Variants in TENM3 observed in about 807,000 individuals in gnomAD.
TENM3 encodes teneurin transmembrane protein 3, also known as teneurin-3.
TENM3 carries 63 observed loss-of-function variants against 255.1 expected under a neutral mutation model. The observed-to-expected ratio is 0.25, with a 90% confidence interval of 0.20 to 0.30. The LOEUF (loss-of-function observed/expected upper bound fraction) is 0.30. Ranked by LOEUF, TENM3 falls within the 10% of genes least tolerant of loss-of-function variation. The pLI is 1.00. For synonymous variants in TENM3, 1,306 were observed against 1,322.3 expected, an observed-to-expected ratio of 0.99 and a Z score of 0.27; for missense variants, 2,929 against 3,461.1, an observed-to-expected ratio of 0.85 and a Z score of 3.86.
chr4:181,957,643 A>T, the TENM3 span, among the ~76,000 whole-genome samples: 3 of 152,176 alleles, frequency 2.0e-5, no homozygotes, highest in African/African-American at 7.2e-5. Flanking sequence ...TACAATGGTG[A>T]TGGGCCACCC....
At chr4:181,519,373 T>A in the TENM3 span, among the ~76,000 whole-genome samples, 8 of 152,246 alleles carry the variant, frequency 5.3e-5, no homozygotes, top group African/African-American at 1.9e-4. Flanking sequence ...ATATAACTTA[T>A]TAAAGCATTG....
At chr4:182,533,647 G>T (rs1739992255) in intron 3 of TENM3, among the ~76,000 whole-genome samples, 1 of 151,820 alleles carries the variant, frequency 6.6e-6, no homozygotes, top group African/African-American at 2.4e-5. Flanking sequence ...ACTAGTTTTT[G>T]CAATATAAAA....
the TENM3 span, among the ~76,000 whole-genome samples, chr4:181,801,474 C>A: frequency 6.6e-6 from 1 of 151,712 alleles, no homozygotes; most frequent in Non-Finnish European, 1.5e-5. Context: ...AGGTGGTGAA[C>A]CCGAGGAGGG....
chr4:181,590,662 A>G, the TENM3 span, among the ~76,000 whole-genome samples: 1 of 152,220 alleles, frequency 6.6e-6, no homozygotes, highest in Non-Finnish European at 1.5e-5. Flanking sequence ...CAATAGAGGA[A>G]TTGCCTTCCC....
At chr4:182,352,126 C>A (rs990216368) in intron 3 of TENM3, among the ~76,000 whole-genome samples, 2 of 151,768 alleles carry the variant, frequency 1.3e-5, no homozygotes, top group Non-Finnish European at 1.5e-5. Flanking sequence ...CTTACCCCAC[C>A]CCACCCCAGG....
chr4:181,532,998 G>A, the TENM3 span, among the ~76,000 whole-genome samples: 5 of 152,026 alleles, frequency 3.3e-5, no homozygotes, highest in East Asian at 1.9e-4. Flanking sequence ...CTTTATAAAC[G>A]TAAACTACTA....
At chr4:182,704,272 C>G (rs1758105631) in intron 12 of TENM3, among the ~76,000 whole-genome samples, 1 of 152,190 alleles carries the variant, frequency 6.6e-6, no homozygotes, top group Non-Finnish European at 1.5e-5. Flanking sequence ...ACATCACACA[C>G]CACACAAGGC....
intron 16 of TENM3, among the ~76,000 whole-genome samples, chr4:182,733,652 C>T (rs755403572): frequency 2.6e-4 from 39 of 152,142 alleles, no homozygotes; most frequent in Admixed American, 1.4e-3. Context: ...AAGAGGTGAG[C>T]CAGAAAGGTC....
chr4:182,075,200 C>CTTTTTT, the TENM3 span, among the ~76,000 whole-genome samples: 40 of 128,186 alleles, frequency 3.1e-4, 1 homozygote, highest in East Asian at 6.5e-4. Context: ...TGTTTTTTTT[C>CTTTTTT]TTTTTTTTTT....
chr4:182,774,368 A>T (rs1027146849), intron 23 of TENM3, among the ~76,000 whole-genome samples: 7 of 152,212 alleles, frequency 4.6e-5, no homozygotes, highest in African/African-American at 1.7e-4. Context: ...CAAAATTTTA[A>T]ACTGAGGCAG....
the TENM3 span, among the ~76,000 whole-genome samples, chr4:181,692,607 A>C: frequency 9.2e-5 from 14 of 152,214 alleles, no homozygotes; most frequent in African/African-American, 3.4e-4. Context: ...TTAATTGTAA[A>C]AATCTGTGTC....
At chr4:181,489,516 A>G in the TENM3 span, among the ~76,000 whole-genome samples, 4 of 152,328 alleles carry the variant, frequency 2.6e-5, no homozygotes, top group East Asian at 7.7e-4. Flanking sequence ...GTTCAGGAAC[A>G]TTAACATTTG....
At chr4:181,831,928 C>T in the TENM3 span, among the ~76,000 whole-genome samples, 2 of 149,170 alleles carry the variant, frequency 1.3e-5, no homozygotes, top group African/African-American at 2.5e-5. Context: ...CATGAAGCAT[C>T]AGGGAATATA....
the TENM3 span, among the ~76,000 whole-genome samples, chr4:182,073,177 C>T: frequency 6.6e-6 from 1 of 152,218 alleles, no homozygotes; most frequent in Non-Finnish European, 1.5e-5. Flanking sequence ...ACCCTCTTCA[C>T]AAGGCAGCAG....
chr4:182,342,056 G>T (rs1764518868), intron 2 of TENM3, among the ~76,000 whole-genome samples: 4 of 152,204 alleles, frequency 2.6e-5, no homozygotes, highest in African/African-American at 9.6e-5. Flanking sequence ...AAACACTGCA[G>T]TCATTGTGGA....
the TENM3 span, among the ~76,000 whole-genome samples, chr4:181,897,142 G>T: frequency 6.6e-6 from 1 of 152,198 alleles, no homozygotes. Flanking sequence ...CAGCTCCAAA[G>T]CTGGCTATTT....
intron 3 of TENM3, among the ~76,000 whole-genome samples, chr4:182,419,020 A>T (rs953108374): frequency 1.3e-5 from 2 of 152,194 alleles, no homozygotes; most frequent in Non-Finnish European, 2.9e-5. Flanking sequence ...TGGTTTTGGA[A>T]AATTAGTTTT....
chr4:182,666,594 G>A (rs192260276), intron 6 of TENM3, among the ~76,000 whole-genome samples: 116 of 152,216 alleles, frequency 7.6e-4, no homozygotes, highest in Admixed American at 4.8e-3. Flanking sequence ...AAGTTTGTAC[G>A]TTGGTTTGTA....
chr4:181,527,896 A>T, the TENM3 span, among the ~76,000 whole-genome samples: 1 of 152,044 alleles, frequency 6.6e-6, no homozygotes, highest in Non-Finnish European at 1.5e-5. Flanking sequence ...ATTTAAACTT[A>T]TACTTCTGAG....
Sources: allele counts gnomAD v4.1 joint callset (sites outside exome capture counted in the v4.1 genomes callset), GRCh38; gene constraint gnomAD v4.1.1; transcripts MANE v1.5; gene names NCBI Gene and HGNC (gene_info 2026-07-23, HGNC 2026-07-21).